The following GOLGB1 variants were observed in gnomAD, a reference collection of about 807,000 sequenced individuals.
GOLGB1 encodes golgin subfamily B member 1.
A neutral mutation model predicts 336.9 loss-of-function variants in GOLGB1; 174 were observed. The observed-to-expected ratio is 0.52, with a 90% CI of 0.46 to 0.59. The LOEUF is 0.59. GOLGB1 is among the 20% of genes least tolerant of loss of function. The probability of loss-of-function intolerance (pLI) is 0.00; values close to 1 mark genes in which losing one functional copy is unlikely to be tolerated. For synonymous variants in GOLGB1, 1,208 were observed against 1,289.2 expected, an observed-to-expected ratio of 0.94 and a Z score of 1.35; for missense variants, 3,331 against 3,645.3, an observed-to-expected ratio of 0.91 and a Z score of 2.22.
chr3:121,714,826 CA>C (rs771012765), intron 10 of GOLGB1, 34 bp downstream of exon 10: 1 of 1,230,254 alleles, frequency 8.1e-7, no homozygotes, highest in East Asian at 2.3e-5. Flanking sequence ...CAAAGACAAA[CA>C]GTTAATATTC....
chr3:121,728,467 C>G (rs192321677), intron 4 of GOLGB1, among the ~76,000 whole-genome samples: 1 of 152,306 alleles, frequency 6.6e-6, no homozygotes, highest in East Asian at 1.9e-4. Context: ...TGTGATATGC[C>G]TGCCTCCATA....
At position 121,716,980 on chromosome 3, in the gene GOLGB1, G is replaced by T. The variant is rs933197498; in HGVS notation, c.1045C>A (p.His349Asn). ...GCTTGCTCAAACTGTTCTAAAAGAT[G>T]ATGCATTTCTTCCTGCAGATTATGG... The part of the protein sequence containing the change: ...SFHNLQEEMH[H>N]LLEQFEQAGQ... Residue 349 changes from histidine to asparagine, a missense_variant, in exon 9 of 22, where the codon CAT becomes AAT. His to Asn is a moderately conservative substitution (Grantham distance 68, BLOSUM62 1). Transcript: ENST00000614479. The T allele has an allele frequency of 8.1e-6, 13 of 1,613,824 alleles. No individual in the cohort carries two copies. Among genetic ancestry groups the T allele is most frequent in the Middle Eastern group, 1.6e-4 (1 of 6,082 alleles).
At chr3:121,747,226 A>T (rs1947371984) in intron 1 of GOLGB1, among the ~76,000 whole-genome samples, 1 of 135,886 alleles carries the variant, frequency 7.4e-6, no homozygotes, top group Non-Finnish European at 1.6e-5. Context: ...TTATGTATGG[A>T]TGTTACATAA....
intron 12 of GOLGB1, among the ~76,000 whole-genome samples, 172 bp downstream of exon 12, chr3:121,699,640 C>T (rs1042064235): frequency 2.0e-5 from 3 of 152,040 alleles, no homozygotes; most frequent in African/African-American, 7.2e-5. Flanking sequence ...TATTCAGAAA[C>T]AAGTAACAAT....
In GOLGB1 at chr3:121,729,297, A is replaced by G. The variant is rs746854083; in HGVS notation, c.293T>C (p.Leu98Pro). 1 of 1,612,806 alleles carries G rather than the reference A, an allele frequency of 6.2e-7. No individual in the cohort carries two copies. The change falls in exon 4 of 22, where the codon CTT (leucine) becomes CCT (proline). Residue 98 changes from leucine to proline, a missense_variant. By Grantham distance (98) the Leu-to-Pro change is moderately conservative. Transcript: ENST00000614479. ...AGAAGTTAATTTGGCCTTCGCATGA[A>G]GTTTTAGTTTTTTAATTTTGTTATC... ...AADNKIKKLKLHAKAKLTSLN... is the reference protein window; with the variant it reads ...AADNKIKKLKPHAKAKLTSLN...
chr3:121,717,324 A>G (rs1255391529), intron 8 of GOLGB1, among the ~76,000 whole-genome samples, 185 bp from the exon 9 acceptor site: 1 of 152,212 alleles, frequency 6.6e-6, no homozygotes, highest in East Asian at 1.9e-4. Flanking sequence ...CCCCAGCAGC[A>G]CACAGGCACC....
Position 121,716,439 on chromosome 3 carries a change from T to A in GOLGB1, c.1288+298A>T, listed in dbSNP as rs12489196. On this transcript the variant is annotated intron_variant, in intron 9 of 21. Coordinates refer to ENST00000614479, the MANE Select transcript of GOLGB1 (RefSeq NM_001366282.2). ...TTTTCCAAAAACTAATTCAAATCCT[T>A]CTCGTTTCAGTCATTGAATCCTTCA... 0.13 allele frequency among the ~76,000 whole-genome samples: 19,333 copies of A among 152,146 alleles called. 1,451 individuals carry two copies. The highest frequency in any genetic ancestry group is 0.2 in the African/African-American group (8,114 of 41,488).
intron 10 of GOLGB1, among the ~76,000 whole-genome samples, chr3:121,704,832 A>T (rs2107955181): frequency 6.6e-6 from 1 of 151,976 alleles, no homozygotes; most frequent in Non-Finnish European, 1.5e-5. Context: ...GAATTATAAT[A>T]TCCAGTAGCA....
chr3:121,729,730 A>T, intron 3 of GOLGB1, 135 bp downstream of exon 3: 1 of 649,528 alleles, frequency 1.5e-6, no homozygotes, highest in Non-Finnish European at 2.6e-6. Context: ...AGTTATTTTC[A>T]GTAGGCATAA....
intron 15 of GOLGB1, among the ~76,000 whole-genome samples, chr3:121,679,858 A>C (rs1940867114): frequency 6.6e-6 from 1 of 152,036 alleles, no homozygotes; most frequent in South Asian, 2.1e-4. Flanking sequence ...ATCCCCCTCC[A>C]CCATAACAAG....
intron 1 of GOLGB1, among the ~76,000 whole-genome samples, chr3:121,745,541 T>A (rs571736555): frequency 6.6e-6 from 1 of 151,778 alleles, no homozygotes; most frequent in South Asian, 2.1e-4. Flanking sequence ...TGTATGTATA[T>A]ATATACATAT....
At chr3:121,668,289 G>A in intron 18 of GOLGB1, 131 bp from the exon 19 acceptor site, 1 of 555,100 alleles carries the variant, frequency 1.8e-6, no homozygotes, top group Non-Finnish European at 3.2e-6. Flanking sequence ...GAAGTGAGAA[G>A]CTTCTGCTCT....
At chr3:121,667,407 C>A in intron 20 of GOLGB1, 69 bp downstream of exon 20, 1 of 1,472,228 alleles carries the variant, frequency 6.8e-7, no homozygotes, top group Non-Finnish European at 9.2e-7. Context: ...CTAAGTCTGG[C>A]AGGAAATGTA....
chr3:121,697,176 A>G lies in GOLGB1; in HGVS notation c.3347T>C (p.Leu1116Pro), dbSNP rs1387934308. 1 of 1,614,006 alleles carries G rather than the reference A, an allele frequency of 6.2e-7. No individual in the cohort carries two copies. The highest frequency in any genetic ancestry group is 8.5e-7 in the Non-Finnish European group (1 of 1,179,952). ...TTGGTTTTCACTGATTTCTGCTTGG[A>G]GCAAATCTATTTGGTTTGTTTTATC... ...LQDKTNQIDL[L>P]QAEISENQAI... The change falls in exon 13 of 22, where the codon CTC (leucine) becomes CCC (proline). Residue 1116 changes from leucine (L) to proline (P), a missense_variant. Physicochemically the swap from Leu to Pro is moderately conservative, Grantham distance 98. Transcript: ENST00000614479.
chr3:121,738,554 G>A (rs2108368090), intron 1 of GOLGB1, among the ~76,000 whole-genome samples: 2 of 152,316 alleles, frequency 1.3e-5, no homozygotes, highest in South Asian at 4.1e-4. Context: ...GAGCCAGTGG[G>A]CATTCACTGG....
chr3:121,747,319 A>G (rs1947400407), intron 1 of GOLGB1, among the ~76,000 whole-genome samples: 1 of 143,336 alleles, frequency 7.0e-6, no homozygotes, highest in Non-Finnish European at 1.5e-5. Flanking sequence ...ATATGTATAT[A>G]TGTGTATATA....
At chr3:121,693,524 T>C (rs534136446) in intron 13 of GOLGB1, among the ~76,000 whole-genome samples, 2 of 152,168 alleles carry the variant, frequency 1.3e-5, no homozygotes, top group African/African-American at 2.4e-5. Context: ...AATCTCTCAA[T>C]AGAAAGATGG....
chr3:121,742,873 C>G (rs1946976346), intron 1 of GOLGB1, among the ~76,000 whole-genome samples: 1 of 152,196 alleles, frequency 6.6e-6, no homozygotes, highest in Non-Finnish European at 1.5e-5. Flanking sequence ...AAATGCTCAC[C>G]ATCACTGGTC....
intron 14 of GOLGB1, among the ~76,000 whole-genome samples, chr3:121,689,210 G>C (rs931739350): frequency 8.5e-5 from 13 of 152,212 alleles, no homozygotes; most frequent in African/African-American, 2.2e-4. Flanking sequence ...GAATAGAAAG[G>C]GGGGAAAGGT....
Sources: allele counts gnomAD v4.1 joint callset (sites outside exome capture counted in the v4.1 genomes callset), GRCh38; gene constraint gnomAD v4.1.1; transcripts MANE v1.5; gene names NCBI Gene and HGNC (gene_info 2026-07-23, HGNC 2026-07-21).